The following NPAS3 variants were observed in gnomAD, a reference collection of about 807,000 sequenced individuals.
NPAS3 encodes the protein neuronal PAS domain protein 3.
A neutral mutation model predicts 73.1 loss-of-function variants in NPAS3; 14 were observed. The ratio of observed to expected loss-of-function variants is 0.19; its 90% CI spans 0.13 to 0.30. The LOEUF (loss-of-function observed/expected upper bound fraction) is 0.30, where lower values mean the gene tolerates loss of function less well. Ranked by LOEUF, NPAS3 falls within the 10% of genes least tolerant of loss-of-function variation. The probability of loss-of-function intolerance (pLI) is 1.00; values close to 1 mark genes in which losing one functional copy is unlikely to be tolerated. For missense variants in NPAS3, 1,096 were observed against 1,250.0 expected (o/e 0.88, Z 1.86); for synonymous variants, 620 against 541.5 (o/e 1.14, Z -2.01).
chr14:33,276,227 A>G (rs1408035875), intron 3 of NPAS3, among the ~76,000 whole-genome samples: 2 of 152,132 alleles, frequency 1.3e-5, no homozygotes, highest in African/African-American at 2.4e-5. Flanking sequence ...TGACTTGCAA[A>G]AAGTGTTAAA....
intron 4 of NPAS3, among the ~76,000 whole-genome samples, chr14:33,385,151 C>G (rs1217315171): frequency 6.6e-6 from 1 of 152,070 alleles, no homozygotes; most frequent in African/African-American, 2.4e-5. Context: ...TTTGCGGCTC[C>G]CAGTTGGAAG....
At chr14:33,061,190 G>A (rs2041086057) in intron 2 of NPAS3, among the ~76,000 whole-genome samples, 1 of 152,178 alleles carries the variant, frequency 6.6e-6, no homozygotes, top group Admixed American at 6.5e-5. Flanking sequence ...CACCTATGCT[G>A]AAGAAAAGGG....
chr14:33,307,741 T>A (rs1008023954), intron 3 of NPAS3, among the ~76,000 whole-genome samples: 3 of 152,160 alleles, frequency 2.0e-5, no homozygotes, highest in African/African-American at 7.2e-5. Flanking sequence ...CATTTAATAT[T>A]CTCCAATCAG....
chr14:33,558,765 T>C (rs974604635), intron 4 of NPAS3, among the ~76,000 whole-genome samples: 3 of 152,022 alleles, frequency 2.0e-5, no homozygotes, highest in African/African-American at 7.2e-5. Flanking sequence ...CACCTTTCTA[T>C]ATTTTACAAA....
chr14:33,133,269 A>G (rs1483578059), intron 2 of NPAS3, among the ~76,000 whole-genome samples: 1 of 152,190 alleles, frequency 6.6e-6, no homozygotes, highest in Non-Finnish European at 1.5e-5. Flanking sequence ...TACACTACAT[A>G]AAAACACAAG....
chr14:33,400,942 T>TA lies in NPAS3; in HGVS notation c.468+33675dup, dbSNP rs1318494122. Among the ~76,000 whole-genome samples the TA allele has an allele frequency of 4.8e-5, 7 of 147,330 alleles. No individual in the cohort carries two copies. In the South Asian group the frequency reaches 8.7e-4, roughly 18 times the overall value. ...TACATACTTTTTGTCTTTTTTTTTT[T>TA]ACAGTTCTTTTCTCTTCACTTGAAA... On this transcript the variant is annotated intron_variant, in intron 4 of 11. Transcript: ENST00000356141.
chr14:33,523,010 C>T (rs1456210287), intron 4 of NPAS3, among the ~76,000 whole-genome samples: 4 of 152,048 alleles, frequency 2.6e-5, no homozygotes, highest in Admixed American at 2.0e-4. Flanking sequence ...TAGGCATGCA[C>T]CATGTGTCAA....
At chr14:33,633,008 GA>G (rs1289404632) in intron 5 of NPAS3, among the ~76,000 whole-genome samples, 1 of 151,818 alleles carries the variant, frequency 6.6e-6, no homozygotes, top group Non-Finnish European at 1.5e-5. Flanking sequence ...CATGGATTGA[GA>G]ATAATAAAAA....
intron 1 of NPAS3, among the ~76,000 whole-genome samples, chr14:33,044,233 AC>A (rs1363422656): frequency 6.6e-6 from 1 of 152,226 alleles, no homozygotes; most frequent in Non-Finnish European, 1.5e-5. Context: ...ACATTAAATA[AC>A]AACTGTTGCT....
chr14:33,726,308 G>A (rs922735647), intron 6 of NPAS3, among the ~76,000 whole-genome samples: 3 of 152,114 alleles, frequency 2.0e-5, no homozygotes, highest in African/African-American at 7.2e-5. Flanking sequence ...TTTCCTTGGT[G>A]GCCTATATGT....
At chr14:33,266,216 T>A (rs1171544871) in intron 3 of NPAS3, among the ~76,000 whole-genome samples, 3 of 152,166 alleles carry the variant, frequency 2.0e-5, no homozygotes, top group Admixed American at 6.6e-5. Context: ...TGAGTTTAAA[T>A]GCACAATTTC....
chr14:32,974,661 A>G (rs887964660), intron 1 of NPAS3, among the ~76,000 whole-genome samples: 3 of 152,170 alleles, frequency 2.0e-5, no homozygotes, highest in African/African-American at 7.2e-5. Flanking sequence ...TCTCTTTCAC[A>G]TGGATACCTC....
chr14:33,255,311 A>G (rs893413529), intron 3 of NPAS3, among the ~76,000 whole-genome samples: 5 of 152,164 alleles, frequency 3.3e-5, no homozygotes, highest in Non-Finnish European at 5.9e-5. Flanking sequence ...AGCATGGTGA[A>G]ACTTTGTAAA....
intron 1 of NPAS3, among the ~76,000 whole-genome samples, chr14:32,991,889 GTC>G (rs576065310): frequency 3.2e-4 from 48 of 152,174 alleles, no homozygotes; most frequent in Non-Finnish European, 5.7e-4. Context: ...GGGCAGATCC[GTC>G]TCTCTCGGGT....
rs1555409892 is a variant in NPAS3 at position 33,544,788 on chromosome 14, T to TTATACATATATA, written c.469-15329_469-15328insCATATATATATA. Among the ~76,000 whole-genome samples the TTATACATATATA allele has an allele frequency of 1.1e-4, 7 of 63,256 alleles. 1 individual carries two copies. Among genetic ancestry groups the TTATACATATATA allele is most frequent in the African/African-American group, 6.1e-4 (7 of 11,562 alleles). 41.5% of individuals were successfully genotyped at this position (63,256 alleles called of 152,430 possible). On this transcript the variant is annotated intron_variant, in intron 4 of 11. Transcript: ENST00000356141. ...GCATGTATGTGTTTATGTGTGTGTA[T>TTATACATATATA]TATATATATATATATATATATATGT...
intron 4 of NPAS3, among the ~76,000 whole-genome samples, chr14:33,413,316 T>C (rs920998428): frequency 2.0e-5 from 3 of 152,068 alleles, no homozygotes; most frequent in African/African-American, 7.2e-5. Context: ...TAGCACTTTT[T>C]TATTGTTTTC....
rs556715285 is a variant in NPAS3 at position 33,397,951 on chromosome 14, G to A, written c.468+30683G>A. Among the ~76,000 whole-genome samples, 401 of 152,248 alleles carry A rather than the reference G, an allele frequency of 2.6e-3. 1 individual carries two copies. The highest frequency in any genetic ancestry group is 3.6e-3 in the Non-Finnish European group (245 of 68,004). On this transcript the variant is annotated intron_variant, in intron 4 of 11. Transcript: ENST00000356141. ...TAACTGAATTCAGTCCATTTGGGGCGTAATTTTTGTTTGGCTTCATTTTAC... is the reference window on the plus strand; with the variant it reads ...TAACTGAATTCAGTCCATTTGGGGCATAATTTTTGTTTGGCTTCATTTTAC...
chr14:33,226,822 T>C (rs1282033575), intron 3 of NPAS3, among the ~76,000 whole-genome samples: 4 of 152,204 alleles, frequency 2.6e-5, no homozygotes, highest in Non-Finnish European at 5.9e-5. Flanking sequence ...TAAAGCATAT[T>C]ATTTACGTAT....
chr14:33,010,938 C>CAAA (rs77196350), intron 1 of NPAS3, among the ~76,000 whole-genome samples: 4 of 120,290 alleles, frequency 3.3e-5, no homozygotes, highest in Admixed American at 8.4e-5. Flanking sequence ...GAACCTGTCT[C>CAAA]AAAAAAAAAA....
Sources: gnomAD v4.1 joint callset for allele counts (sites outside exome capture counted in the v4.1 genomes callset) on GRCh38, gnomAD v4.1.1 for gene constraint, MANE v1.5 for transcripts, NCBI Gene and HGNC (gene_info 2026-07-23, HGNC 2026-07-21) for gene names.